TENM3: variants seen among roughly 807,000 people sequenced by gnomAD.
TENM3 encodes teneurin transmembrane protein 3.
A neutral mutation model predicts 255.1 loss-of-function variants in TENM3; 63 were observed. The observed-to-expected ratio is 0.25, with a 90% confidence interval of 0.20 to 0.30. The LOEUF is 0.30. TENM3 is among the 10% of genes least tolerant of loss of function. The pLI, the probability that TENM3 is intolerant of heterozygous loss-of-function variation, is 1.00. For missense variants in TENM3, 2,929 were observed against 3,461.1 expected (o/e 0.85, Z 3.86); for synonymous variants, 1,306 against 1,322.3 (o/e 0.99, Z 0.27).
upstream of TENM3, among the ~76,000 whole-genome samples, chr4:182,240,534 C>A (rs1023919784): frequency 2.0e-5 from 3 of 152,148 alleles, no homozygotes; most frequent in African/African-American, 7.2e-5. Flanking sequence ...GAGATGTAGA[C>A]CATGTGTCAT....
the TENM3 span, among the ~76,000 whole-genome samples, chr4:181,778,070 T>A: frequency 3.3e-5 from 5 of 152,200 alleles, no homozygotes; most frequent in Admixed American, 3.3e-4. Context: ...AGAAAAAAAA[T>A]TTTGCTCAAC....
chr4:181,947,144 C>G, the TENM3 span, among the ~76,000 whole-genome samples: 3 of 152,148 alleles, frequency 2.0e-5, no homozygotes, highest in Admixed American at 6.5e-5. Flanking sequence ...GAGTCAGGCA[C>G]AGAAGCTATA....
At chr4:182,163,103 C>T (rs11132115) in intron 1 of TENM3, among the ~76,000 whole-genome samples, 20,194 of 152,120 alleles carry the variant, frequency 0.13, 1,576 homozygotes, top group East Asian at 0.38. Flanking sequence ...TCAGTCATTA[C>T]GTCCTGCTCA....
At chr4:181,496,514 C>G in the TENM3 span, among the ~76,000 whole-genome samples, 1 of 152,130 alleles carries the variant, frequency 6.6e-6, no homozygotes, top group African/African-American at 2.4e-5. Flanking sequence ...ATTATTTTAA[C>G]TGTTCCTTAT....
chr4:181,837,786 T>G, the TENM3 span, among the ~76,000 whole-genome samples: 1 of 152,208 alleles, frequency 6.6e-6, no homozygotes, highest in Non-Finnish European at 1.5e-5. Context: ...CAGAACTCCT[T>G]ATATGGAAGT....
the TENM3 span, among the ~76,000 whole-genome samples, chr4:181,482,187 A>G: frequency 6.6e-6 from 1 of 152,148 alleles, no homozygotes; most frequent in Non-Finnish European, 1.5e-5. Flanking sequence ...TGATATATAT[A>G]ATGTAATAGT....
intron 17 of TENM3, 94 bp downstream of exon 17, chr4:182,737,169 CAG>C (rs1761234181): frequency 1.5e-6 from 2 of 1,305,674 alleles, no homozygotes; most frequent in East Asian, 2.3e-5. Context: ...AGTGGATAAA[CAG>C]AATATAAAGA....
At chr4:182,255,378 G>T (rs982774996) in intron 1 of TENM3, among the ~76,000 whole-genome samples, 1 of 152,224 alleles carries the variant, frequency 6.6e-6, no homozygotes, top group Non-Finnish European at 1.5e-5. Context: ...AGCAATGGAA[G>T]AAAAGAGGTT....
At chr4:181,942,690 G>A in the TENM3 span, among the ~76,000 whole-genome samples, 1 of 152,100 alleles carries the variant, frequency 6.6e-6, no homozygotes, top group Non-Finnish European at 1.5e-5. Flanking sequence ...AAAATATTTG[G>A]CCATTAAATT....
the TENM3 span, among the ~76,000 whole-genome samples, chr4:181,873,772 T>C: frequency 6.7e-6 from 1 of 149,554 alleles, no homozygotes; most frequent in African/African-American, 2.5e-5. Flanking sequence ...GTGTGTGTGG[T>C]TTTTTGTTTT....
intron 3 of TENM3, among the ~76,000 whole-genome samples, chr4:182,585,740 T>G (rs1745955592): frequency 1.3e-5 from 2 of 152,214 alleles, no homozygotes; most frequent in African/African-American, 4.8e-5. Context: ...TCATGATATA[T>G]CCAGTGCTTA....
At chr4:182,090,654 A>G in the TENM3 span, among the ~76,000 whole-genome samples, 6 of 152,302 alleles carry the variant, frequency 3.9e-5, no homozygotes, top group South Asian at 1.0e-3. Flanking sequence ...ATGTGTGTGT[A>G]TGTTCAGAGA....
At chr4:181,549,206 A>G in the TENM3 span, among the ~76,000 whole-genome samples, 3 of 152,128 alleles carry the variant, frequency 2.0e-5, no homozygotes, top group African/African-American at 7.2e-5. Context: ...TTGACTAGGG[A>G]GAAACAGTGC....
At chr4:181,591,729 T>C in the TENM3 span, among the ~76,000 whole-genome samples, 1 of 152,262 alleles carries the variant, frequency 6.6e-6, no homozygotes, top group East Asian at 1.9e-4. Flanking sequence ...GGGATCCAGG[T>C]TGCACACTCA....
the TENM3 span, among the ~76,000 whole-genome samples, chr4:181,767,205 A>T: frequency 1.6e-4 from 22 of 137,436 alleles, no homozygotes; most frequent in East Asian, 3.1e-3. Flanking sequence ...TGAGCCGAGA[A>T]GGTGCCACTG....
chr4:182,220,345 C>G (rs1482705964), intron 1 of TENM3, among the ~76,000 whole-genome samples: 2 of 136,736 alleles, frequency 1.5e-5, no homozygotes, highest in African/African-American at 5.4e-5. Flanking sequence ...CCACTGCACT[C>G]CAGCCTGGGC....
intron 3 of TENM3, among the ~76,000 whole-genome samples, chr4:182,424,818 A>G (rs1771086399): frequency 6.6e-6 from 1 of 152,210 alleles, no homozygotes; most frequent in African/African-American, 2.4e-5. Context: ...GAGAAAGAGT[A>G]GTAATGTAGA....
At chr4:182,593,374 T>G (rs562776409) in intron 3 of TENM3, among the ~76,000 whole-genome samples, 48 of 152,306 alleles carry the variant, frequency 3.2e-4, no homozygotes, top group African/African-American at 1.1e-3. Context: ...TCCCTCCACC[T>G]CCACCCAGTT....
Position 182,346,735 on chromosome 4 carries a change from C to T in TENM3, c.317C>T (p.Pro106Leu). 6.2e-7 allele frequency: 1 copy of T among 1,613,692 alleles called. No individual in the cohort carries two copies. The highest frequency in any genetic ancestry group is 8.5e-7 in the Non-Finnish European group (1 of 1,179,798). ...GLAFCAEMGL[P>L]HRGYSISAGS... ...GCATTTTGTGCGGAAATGGGGCTCC[C>T]TCACAGAGGTTACTCTATCAGTGCA... is the stretch of plus-strand genomic sequence containing the variant. Residue 106 changes from proline to leucine, a missense_variant, in exon 3 of 28, where the codon CCT (proline) becomes CTT (leucine). Pro to Leu is a moderately conservative substitution (Grantham distance 98). This residue lies in a region of TENM3 where 283 missense variants were observed against 256.9 expected (regional missense o/e 1.10). Coordinates refer to ENST00000511685, the MANE Select transcript of TENM3 (RefSeq NM_001080477.4).
Sources: gnomAD v4.1 joint callset for allele counts (sites outside exome capture counted in the v4.1 genomes callset) on GRCh38, gnomAD v4.1.1 for gene constraint, gnomAD v4.1.1 regional missense constraint, MANE v1.5 for transcripts, NCBI Gene and HGNC (gene_info 2026-07-23, HGNC 2026-07-21) for gene names.